Variants in ADAMTS13 observed in about 807,000 individuals in gnomAD.
ADAMTS13 encodes the protein ADAM metallopeptidase with thrombospondin type 1 motif 13, also known as A disintegrin and metalloproteinase with thrombospondin motifs 13.
Under a neutral mutation model 155.1 loss-of-function variants are expected in ADAMTS13, and 110 were observed. The ratio of observed to expected loss-of-function variants is 0.71; its 90% CI spans 0.61 to 0.83. The LOEUF (loss-of-function observed/expected upper bound fraction) is 0.83. Among genes scored for constraint, ADAMTS13 ranks in the 40% least tolerant of loss-of-function variants. ADAMTS13 has a pLI of 0.00. For missense variants in ADAMTS13, 1,707 were observed against 1,891.7 expected (o/e 0.90, Z 1.81); for synonymous variants, 758 against 756.4 (o/e 1.00, Z -0.03).
chr9:133,418,930 G>T (rs3124778), upstream of ADAMTS13, among the ~76,000 whole-genome samples: 133,781 of 152,222 alleles, frequency 0.88, 58,872 homozygotes, highest in South Asian at 0.89. Flanking sequence ...TACTTCTGCC[G>T]CCTGGGTTCA....
rs200841843 is a variant in ADAMTS13 at position 133,424,386 on chromosome 9, C to T, written c.238C>T (p.Leu80=). ...QRQRRAAGGI[L]HLELLVAVGP... is the part of the protein sequence containing the mutation. ...GCAGAGGCGGGCTGCAGGCGGCATC[C>T]TACACCTGGAGCTGCTGGTGGCCGT... Residue 80 remains leucine, a synonymous_variant, in exon 3 of 29, where the codon CTA becomes TTA. Transcript: ENST00000355699. This position sits in a 1 kb window ranked among gnomAD's most constrained non-coding sequence, Gnocchi z 4.3. 1 of 1,613,536 alleles carries T rather than the reference C, an allele frequency of 6.2e-7. No individual in the cohort carries two copies. Among genetic ancestry groups the T allele is most frequent in the Non-Finnish European group, 8.5e-7 (1 of 1,179,994 alleles).
In ADAMTS13 at chr9:133,423,101, A is replaced by G. The variant is rs1554784004; in HGVS notation, c.106A>G (p.Ser36Gly). ...GCWGPSHFQQSCLQALEPQAV... is the reference protein window; with the variant it reads ...GCWGPSHFQQGCLQALEPQAV... ...CCATCCATCTCTTTTTGTCTTGCAG[A>G]GTTGTCTTCAGGCTTTGGAGCCACA... The change falls in exon 2 of 29, where the codon AGT becomes GGT. Residue 36 changes from serine (S) to glycine (G), a missense_variant and splice_region_variant. By Grantham distance (56) the Ser-to-Gly change is moderately conservative (BLOSUM62 0). Coordinates refer to ENST00000355699, the MANE Select transcript of ADAMTS13 (RefSeq NM_139027.6). 3.1e-6 allele frequency: 5 copies of G among 1,613,514 alleles called. No individual in the cohort carries two copies. The highest frequency in any genetic ancestry group is 4.2e-6 in the Non-Finnish European group (5 of 1,179,880).
chr9:133,437,752 A>G lies in ADAMTS13; in HGVS notation c.1439A>G (p.Asp480Gly). Residue 480 changes from aspartate to glycine, a missense_variant, in exon 13 of 29, where the codon GAT becomes GGT. This residue lies in a region of ADAMTS13 where 733 missense variants were observed against 749.6 expected (regional missense o/e 0.98). Coordinates refer to ENST00000355699, the MANE Select transcript of ADAMTS13 (RefSeq NM_139027.6). ...WGAAVPHSQG[D>G]ALCRHMCRAI... ...CTTTTTCACTCTGCCCTCCCAGGGG[A>G]TGCTCTGTGCAGACACATGTGCCGG... 1 of 1,613,744 alleles carries G rather than the reference A, an allele frequency of 6.2e-7. No individual in the cohort carries two copies. The highest frequency in any genetic ancestry group is 2.2e-5 in the East Asian group (1 of 44,868).
rs1554795141 is a variant in ADAMTS13, at chr9:133,454,507, A to G, written c.3137A>G (p.Gln1046Arg). ...GCCTGTGTGCAGCTCGACCAAGGCC[A>G]GGACGTGGAGGTGGACGAGGCGGCC... ...SVACVQLDQG[Q>R]DVEVDEAACA... The change falls in exon 24 of 29, where the codon CAG becomes CGG. Residue 1046 changes from glutamine to arginine, a missense_variant. Around this residue, in one of 3 missense-constraint regions of ADAMTS13, gnomAD observed 961 missense variants for 1,107.9 expected, o/e 0.87. Coordinates refer to ENST00000355699, the MANE Select transcript of ADAMTS13 (RefSeq NM_139027.6). 2 of 1,612,386 alleles carry G rather than the reference A, an allele frequency of 1.2e-6. No homozygotes were observed. The highest frequency in any genetic ancestry group is 2.2e-5 in the South Asian group (2 of 91,086).
rs948037376 is a variant in ADAMTS13, at chr9:133,433,543, G to A, written c.1244+14G>A. On this transcript the variant is annotated intron_variant, in intron 10 of 28. Transcript: ENST00000355699. ...CAACAACCCCAGGTACCGCAGGGAGGGTGCTTTTCTGTCAGGGAGTGTGGC... is the reference window on the plus strand; with the variant it reads ...CAACAACCCCAGGTACCGCAGGGAGAGTGCTTTTCTGTCAGGGAGTGTGGC... The A allele has an allele frequency of 1.9e-6, 3 of 1,613,532 alleles. No individual in the cohort carries two copies. The African/African-American group carries it at 4.0e-5, about 22-fold the overall frequency.
chr9:133,437,854 G>C lies in ADAMTS13; in HGVS notation c.1541G>C (p.Arg514Pro). 6.2e-7 allele frequency: 1 copy of C among 1,613,872 alleles called. No homozygotes were observed. The highest frequency in any genetic ancestry group is 8.5e-7 in the Non-Finnish European group (1 of 1,180,028). The change falls in exon 13 of 29, where the codon CGG (arginine) becomes CCG (proline). Residue 514 changes from arginine to proline, a missense_variant. This residue lies in a region of ADAMTS13 where 733 missense variants were observed against 749.6 expected (regional missense o/e 0.98). Coordinates refer to ENST00000355699, the MANE Select transcript of ADAMTS13 (RefSeq NM_139027.6). ...DGTRCMPSGP[R>P]EDGTLSLCVS... is the part of the protein sequence containing the mutation. ...ACCCGGTGTATGCCAAGTGGCCCCCGGGAGGACGGGACCCTGAGCCTGTGT... is the reference window on the plus strand; with the variant it reads ...ACCCGGTGTATGCCAAGTGGCCCCCCGGAGGACGGGACCCTGAGCCTGTGT...
At position 133,437,811 on chromosome 9, in the gene ADAMTS13, G is replaced by C. The variant is rs1294399362; in HGVS notation, c.1498G>C (p.Asp500His). The change falls in exon 13 of 29, where the codon GAC (aspartate) becomes CAC (histidine). Residue 500 changes from aspartate (D) to histidine (H), a missense_variant. Around this residue, in one of 3 missense-constraint regions of ADAMTS13, gnomAD observed 733 missense variants for 749.6 expected, o/e 0.98. Coordinates refer to ENST00000355699, the MANE Select transcript of ADAMTS13 (RefSeq NM_139027.6). The part of the protein sequence containing the change: ...IGESFIMKRG[D>H]SFLDGTRCMP... ...CGAGAGCTTCATCATGAAGCGTGGA[G>C]ACAGCTTCCTCGATGGGACCCGGTG... The C allele has an allele frequency of 6.2e-7, 1 of 1,613,878 alleles. No homozygotes were observed. Among genetic ancestry groups the C allele is most frequent in the African/African-American group, 1.3e-5 (1 of 74,930 alleles).
chr9:133,443,225 C>A, intron 18 of ADAMTS13, 151 bp from the exon 19 acceptor site: 2 of 989,624 alleles, frequency 2.0e-6, no homozygotes, highest in Non-Finnish European at 3.0e-6. Flanking sequence ...GCTCAGCCGT[C>A]TGGCAGCCTG....
upstream of ADAMTS13, among the ~76,000 whole-genome samples, chr9:133,418,596 C>G (rs1207011048): frequency 1.3e-5 from 2 of 152,186 alleles, no homozygotes; most frequent in Non-Finnish European, 2.9e-5. Flanking sequence ...ATTCCTGTCC[C>G]TTTTAAGGGC....
At chr9:133,427,491 GAGGCAGGGTTCCTGGGTGTGGGACA>G (rs1441805016) in intron 6 of ADAMTS13, among the ~76,000 whole-genome samples, 8 of 152,140 alleles carry the variant, frequency 5.3e-5, no homozygotes, top group Admixed American at 5.2e-4. Flanking sequence ...TGGGAGGGTT[GAGGCAGGGTTCCTGGGTGTGGGACA>G]AGGCAGGGCT....
At chr9:133,436,059 C>T (rs1468463689) in intron 11 of ADAMTS13, among the ~76,000 whole-genome samples, 8 of 149,236 alleles carry the variant, frequency 5.4e-5, no homozygotes, top group Non-Finnish European at 1.0e-4. Flanking sequence ...CCAGGTGATC[C>T]GCCCACCTTA....
rs1023589971 is a variant in ADAMTS13 at position 133,430,906 on chromosome 9, C to T, written c.987+805C>T. ...CGATCTCCTGACCTCGTGATCCGCCCGCCCTGGCCTCACAAAGTGCTGGGA... is the reference window on the plus strand; with the variant it reads ...CGATCTCCTGACCTCGTGATCCGCCTGCCCTGGCCTCACAAAGTGCTGGGA... On this transcript the variant is annotated intron_variant, in intron 8 of 28. Transcript: ENST00000355699. Among the ~76,000 whole-genome samples the T allele has an allele frequency of 2.6e-5, 4 of 152,188 alleles. No homozygotes were observed. The East Asian group carries it at 5.8e-4, about 22-fold the overall frequency.
In ADAMTS13 at chr9:133,422,424, T is replaced by G. The variant is rs2130768403; in HGVS notation, c.-20T>G. On this transcript the variant is annotated 5_prime_UTR_variant, in exon 1 of 29. Transcript: ENST00000355699. The stretch of plus-strand genomic sequence containing the variant: ...GCCCCCTCTCACTCCGCTCCACTCC[T>G]CGGGCTGGCTCTCCTGAGGATGCAC... The G allele has an allele frequency of 6.2e-7, 1 of 1,611,086 alleles. No individual in the cohort carries two copies. Among genetic ancestry groups the G allele is most frequent in the Non-Finnish European group, 8.5e-7 (1 of 1,178,900 alleles).
chr9:133,422,358 G>T, upstream of ADAMTS13: 3 of 1,259,754 alleles, frequency 2.4e-6, no homozygotes, highest in Non-Finnish European at 3.5e-6. Flanking sequence ...TAGTGAGCAG[G>T]CCTGTCCCAT....
intron 7 of ADAMTS13, 179 bp from the exon 8 acceptor site, chr9:133,429,760 T>C (rs1554786523): frequency 5.9e-6 from 5 of 848,520 alleles, no homozygotes; most frequent in Non-Finnish European, 9.6e-6. Flanking sequence ...GCAGGAGCCT[T>C]AGTCTTGGTC....
At chr9:133,430,407 C>T (rs1840664500) in intron 8 of ADAMTS13, among the ~76,000 whole-genome samples, 1 of 152,142 alleles carries the variant, frequency 6.6e-6, no homozygotes, top group Non-Finnish European at 1.5e-5. Context: ...CCAAGGACTT[C>T]CCCATCTATT....
In ADAMTS13 at chr9:133,440,097, C is replaced by T. The variant is rs1221090953; in HGVS notation, c.1787-247C>T. On this transcript the variant is annotated intron_variant, in intron 15 of 28. Transcript: ENST00000355699. The surrounding 1 kb of genome is among the most constrained non-coding windows in gnomAD (Gnocchi z 4.3). ...ACCTAACCTTTGAAGCCTTGGTTGCCGGCACTTGCCATGGGGTCCCTGAGC... is the reference window on the plus strand; with the variant it reads ...ACCTAACCTTTGAAGCCTTGGTTGCTGGCACTTGCCATGGGGTCCCTGAGC... 6.6e-6 allele frequency among the ~76,000 whole-genome samples: 1 copy of T among 152,222 alleles called. No individual in the cohort carries two copies. Among genetic ancestry groups the T allele is most frequent in the African/African-American group, 2.4e-5 (1 of 41,462 alleles).
rs1840164548 is a variant in ADAMTS13 at position 133,424,681 on chromosome 9, C to T, written c.330+203C>T. Among the ~76,000 whole-genome samples the T allele has an allele frequency of 6.6e-6, 1 of 152,094 alleles. No individual in the cohort carries two copies. Among genetic ancestry groups the T allele is most frequent in the Non-Finnish European group, 1.5e-5 (1 of 68,030 alleles). On this transcript the variant is annotated intron_variant, in intron 3 of 28. Coordinates refer to ENST00000355699, the MANE Select transcript of ADAMTS13 (RefSeq NM_139027.6). The surrounding 1 kb of genome is among the most constrained non-coding windows in gnomAD (Gnocchi z 4.3). ...TCTAGGCTCCATGGCACATGCACAC[C>T]CTGCAGCCTCTCACTACTCAAGTCC...
upstream of ADAMTS13, chr9:133,417,754 T>G: frequency 6.2e-7 from 1 of 1,613,424 alleles, no homozygotes; most frequent in Non-Finnish European, 8.5e-7. Context: ...TTCTTCTTGT[T>G]TTTCTTCCGA....
Sources: allele counts gnomAD v4.1 joint callset (sites outside exome capture counted in the v4.1 genomes callset), GRCh38; gene constraint gnomAD v4.1.1; regional missense constraint gnomAD v4.1.1; non-coding constraint Gnocchi (gnomAD v3.1); transcripts MANE v1.5; gene names NCBI Gene and HGNC (gene_info 2026-07-23, HGNC 2026-07-21).